Variants in SAMD12 observed in about 807,000 individuals in gnomAD.
SAMD12 encodes sterile alpha motif domain containing 12.
In SAMD12, 9 loss-of-function variants were observed where a neutral mutation model predicts 15.0. The observed-to-expected ratio is 0.60, with a 90% CI of 0.36 to 1.05. The LOEUF is 1.05. Among genes scored for constraint, SAMD12 ranks in the 50% least tolerant of loss-of-function variants. The pLI, the probability that SAMD12 is intolerant of heterozygous loss-of-function variation, is 0.01. For missense variants in SAMD12, 230 were observed against 234.2 expected, an observed-to-expected ratio of 0.98 and a Z score of 0.12; for synonymous variants, 86 against 90.1, an observed-to-expected ratio of 0.96 and a Z score of 0.25.
chr8:118,617,277 C>G (rs1828262456), intron 1 of SAMD12, among the ~76,000 whole-genome samples: 1 of 152,254 alleles, frequency 6.6e-6, no homozygotes, highest in Admixed American at 6.5e-5. Context: ...ACCGTGACTG[C>G]TTCTATTTGT....
intron 4 of SAMD12, among the ~76,000 whole-genome samples, chr8:118,290,281 C>T (rs1028075001): frequency 2.0e-5 from 3 of 152,184 alleles, no homozygotes; most frequent in Admixed American, 2.0e-4. Context: ...GCATTAAAAA[C>T]TCTCCAGCCT....
At chr8:118,591,428 T>C (rs891721771) in intron 1 of SAMD12, among the ~76,000 whole-genome samples, 8 of 152,202 alleles carry the variant, frequency 5.3e-5, no homozygotes, top group African/African-American at 1.2e-4. Context: ...ATTATTATTG[T>C]GTTGATAAAG....
At chr8:118,366,886 A>AAATAAAATAAAATAAAATAAAATAAAAT (rs1818823994) in intron 4 of SAMD12, among the ~76,000 whole-genome samples, 2 of 39,630 alleles carry the variant, frequency 5.0e-5, no homozygotes, top group South Asian at 7.3e-4. Context: ...TAAAATAATA[A>AAATAAAATAAAATAAAATAAAATAAAAT]AATAAAATAA....
At chr8:118,184,903 CTTTTT>C (rs5894416), downstream of SAMD12, among the ~76,000 whole-genome samples, 5 of 141,752 alleles carry the variant, frequency 3.5e-5, no homozygotes, top group South Asian at 1.1e-3. Flanking sequence ...ACCATTTGTT[CTTTTT>C]TTTTTTTTTG....
chr8:118,390,484 C>G (rs1286531172), intron 3 of SAMD12, among the ~76,000 whole-genome samples: 2 of 152,164 alleles, frequency 1.3e-5, no homozygotes, highest in Non-Finnish European at 2.9e-5. Flanking sequence ...CAAGTCTGAG[C>G]TAGCCCTTCA....
intron 4 of SAMD12, among the ~76,000 whole-genome samples, chr8:118,233,748 C>A (rs1462022279): frequency 6.6e-6 from 1 of 152,190 alleles, no homozygotes; most frequent in African/African-American, 2.4e-5. Context: ...ATATGAACTC[C>A]TCACTCCCAG....
At chr8:118,460,671 A>G (rs1401870804) in intron 2 of SAMD12, among the ~76,000 whole-genome samples, 4 of 152,126 alleles carry the variant, frequency 2.6e-5, no homozygotes, top group African/African-American at 9.7e-5. Flanking sequence ...GTGAGAGGGG[A>G]ACATTACTGG....
At chr8:118,329,089 C>A (rs10100967) in intron 4 of SAMD12, among the ~76,000 whole-genome samples, 2 of 151,876 alleles carry the variant, frequency 1.3e-5, no homozygotes, top group African/African-American at 4.8e-5. Flanking sequence ...CAGTTGTTTG[C>A]TAAAGATTAA....
At chr8:118,188,765 A>T (rs1819287181), downstream of SAMD12, among the ~76,000 whole-genome samples, 1 of 149,058 alleles carries the variant, frequency 6.7e-6, no homozygotes, top group Admixed American at 6.6e-5. Flanking sequence ...GTATCATATT[A>T]TTCAGGGGAT....
intron 4 of SAMD12, among the ~76,000 whole-genome samples, chr8:118,322,840 G>C (rs976152467): frequency 3.3e-5 from 5 of 151,430 alleles, no homozygotes; most frequent in African/African-American, 1.2e-4. Flanking sequence ...TGAGCCTTAG[G>C]TTTTTAATCT....
chr8:118,259,003 A>G (rs968364790), intron 4 of SAMD12, among the ~76,000 whole-genome samples: 4 of 152,136 alleles, frequency 2.6e-5, no homozygotes, highest in Non-Finnish European at 5.9e-5. Flanking sequence ...ACCACTTTAA[A>G]AATCCTCAGC....
At chr8:118,519,544 T>C (rs1377638978) in intron 2 of SAMD12, among the ~76,000 whole-genome samples, 1 of 152,202 alleles carries the variant, frequency 6.6e-6, no homozygotes, top group Non-Finnish European at 1.5e-5. Flanking sequence ...CTAAAGTACA[T>C]AGAGCATAAT....
chr8:118,602,526 TA>T (rs1827886398), intron 1 of SAMD12, among the ~76,000 whole-genome samples: 1 of 152,116 alleles, frequency 6.6e-6, no homozygotes, highest in Non-Finnish European at 1.5e-5. Context: ...GACAACACAA[TA>T]AAATGTACAT....
chr8:118,197,604 A>T, exon 5 of SAMD12: 1 of 978,720 alleles, frequency 1.0e-6, no homozygotes, highest in Non-Finnish European at 1.7e-6. Flanking sequence ...TAATCTGTCC[A>T]CGATCCAAGG....
intron 4 of SAMD12, among the ~76,000 whole-genome samples, chr8:118,303,204 C>CGT (rs1563747564): frequency 6.6e-6 from 1 of 152,184 alleles, no homozygotes; most frequent in Non-Finnish European, 1.5e-5. Flanking sequence ...GAGCATGCAA[C>CGT]ACATTCTACA....
At chr8:118,169,327 T>C in the SAMD12 span, among the ~76,000 whole-genome samples, 3 of 152,226 alleles carry the variant, frequency 2.0e-5, no homozygotes, top group South Asian at 2.1e-4. Flanking sequence ...GATCCTAGCA[T>C]CATGTTTTAA....
intron 3 of SAMD12, among the ~76,000 whole-genome samples, chr8:118,428,059 G>T (rs1822285984): frequency 6.6e-6 from 1 of 152,050 alleles, no homozygotes; most frequent in African/African-American, 2.4e-5. Flanking sequence ...TGTGCCTTTT[G>T]GCCATTCTTG....
At chr8:118,374,117 A>G (rs918355390), downstream of SAMD12, among the ~76,000 whole-genome samples, 1 of 152,064 alleles carries the variant, frequency 6.6e-6, no homozygotes, top group Non-Finnish European at 1.5e-5. Flanking sequence ...TCATCTTGCA[A>G]AACTGAAACT....
intron 2 of SAMD12, among the ~76,000 whole-genome samples, chr8:118,564,387 T>TA (rs1297254717): frequency 6.6e-6 from 1 of 152,176 alleles, no homozygotes; most frequent in Non-Finnish European, 1.5e-5. Flanking sequence ...TGCTGTCACT[T>TA]ACATACAATA....
Sources: gnomAD v4.1 joint callset for allele counts (sites outside exome capture counted in the v4.1 genomes callset) on GRCh38, gnomAD v4.1.1 for gene constraint, MANE v1.5 for transcripts, NCBI Gene and HGNC (gene_info 2026-07-23, HGNC 2026-07-21) for gene names.